The following TMED9 variants were observed in gnomAD, a reference collection of about 807,000 sequenced individuals.
The protein encoded by TMED9 is transmembrane emp24 domain-containing protein 9.
A neutral mutation model predicts 30.6 loss-of-function variants in TMED9; 22 were observed. The ratio of observed to expected loss-of-function variants is 0.72; its 90% confidence interval spans 0.51 to 1.03. TMED9 has a LOEUF of 1.03. Ranked by LOEUF, TMED9 falls within the 50% of genes least tolerant of loss-of-function variation. The pLI is 0.00. For missense variants in TMED9, 251 were observed against 302.1 expected, an observed-to-expected ratio of 0.83 and a Z score of 1.25; for synonymous variants, 146 against 122.8, an observed-to-expected ratio of 1.19 and a Z score of -1.25.
At chr5:177,593,261 G>A (rs528503476) in intron 2 of TMED9, 142 of 172,058 alleles carry the variant, frequency 8.3e-4, no homozygotes, top group African/African-American at 3.3e-3. Context: ...GGGAAGCTGA[G>A]GCTGCAGTGA....
rs953924191 is a variant in TMED9, at chr5:177,595,479, T to G, written c.*63T>G. 2.0e-5 allele frequency: 31 copies of G among 1,533,146 alleles called. No individual in the cohort carries two copies. In the South Asian group the frequency reaches 3.3e-4, roughly 16 times the overall value. 95.0% of individuals were successfully genotyped at this position (1,533,146 alleles called of 1,614,324 possible). A position where few individuals can be genotyped will look rare whatever the true frequency, so the allele number is the denominator to read the frequency against. ...GGAGAAAGGACCTCCTGGAACTGAC[T>G]TCTTCTGTCAGGAGGACTGGTTTCC... On this transcript the variant is annotated 3_prime_UTR_variant, in exon 5 of 5. Coordinates refer to ENST00000332598, the MANE Select transcript of TMED9 (RefSeq NM_017510.6).
In TMED9 at chr5:177,592,220, T is replaced by C. The variant is rs779197037; in HGVS notation, c.6T>C (p.Ala2=). M[A]VELGVLLVRP... Reference sequence around the variant, plus strand: ...GCGCAGGCAGGTGGAGCAAGATGGCTGTGGAGCTGGGCGTGCTGCTCGTCC... The same window carrying C: ...GCGCAGGCAGGTGGAGCAAGATGGCCGTGGAGCTGGGCGTGCTGCTCGTCC... Residue 2 remains alanine (A), a synonymous_variant, in exon 1 of 5, where the codon GCT becomes GCC. Coordinates refer to ENST00000332598, the MANE Select transcript of TMED9 (RefSeq NM_017510.6). The C allele has an allele frequency of 8.7e-6, 14 of 1,603,400 alleles. No individual in the cohort carries two copies. The highest frequency in any genetic ancestry group is 1.7e-5 in the Admixed American group (1 of 58,930).
At chr5:177,593,513 A>G in intron 2 of TMED9, 137 bp from the exon 3 acceptor site, 1 of 1,084,944 alleles carries the variant, frequency 9.2e-7, no homozygotes, top group East Asian at 2.4e-5. Flanking sequence ...GCTGCTGAGC[A>G]GCTTTGAATC....
intron 2 of TMED9, 117 bp downstream of exon 2, chr5:177,592,792 TC>T (rs2127507341): frequency 1.3e-6 from 1 of 745,396 alleles, no homozygotes; most frequent in Non-Finnish European, 2.2e-6. Flanking sequence ...TGTGGGAATA[TC>T]CTGCTGACTT....
chr5:177,595,427 C>T lies in TMED9; in HGVS notation c.*11C>T, dbSNP rs11545868. On this transcript the variant is annotated 3_prime_UTR_variant, in exon 5 of 5. Coordinates refer to ENST00000332598, the MANE Select transcript of TMED9 (RefSeq NM_017510.6). ...AAGAAGCTTGTGTAGCTGTCCCAGG[C>T]GTCACAACCCATCCTCCCAGGCTGG... 0.093 allele frequency: 148,147 copies of T among 1,597,734 alleles called. 7,306 individuals carry two copies. The highest frequency in any genetic ancestry group is 0.1 in the Middle Eastern group (609 of 5,998).
chr5:177,594,021 G>C (rs1767639130), intron 3 of TMED9, 118 bp from the exon 4 acceptor site: 1 of 1,395,672 alleles, frequency 7.2e-7, no homozygotes, highest in Non-Finnish European at 9.9e-7. Context: ...CACTGAAGAG[G>C]GCCCAGTCTG....
At position 177,592,687 on chromosome 5, in the gene TMED9, G is replaced by C. The variant is rs4607363; in HGVS notation, c.285+12G>C. 1,457,659 of 1,507,876 alleles carry C rather than the reference G, an allele frequency of 0.97. 704,156 individuals carry two copies. The highest frequency in any genetic ancestry group is 0.98 in the East Asian group (40,707 of 41,538). 93.4% of individuals were successfully genotyped at this position (1,507,876 alleles called of 1,614,324 possible). Reference sequence around the variant, plus strand: ...ACCCAGAGGACAAGGTGAGCCAACCGCCCCCCTCCTCTCCGCCAGCCTCTC... The same window carrying C: ...ACCCAGAGGACAAGGTGAGCCAACCCCCCCCCTCCTCTCCGCCAGCCTCTC... On this transcript the variant is annotated intron_variant, in intron 2 of 4. Coordinates refer to ENST00000332598, the MANE Select transcript of TMED9 (RefSeq NM_017510.6).
chr5:177,594,142 G>T lies in TMED9; in HGVS notation c.415G>T (p.Val139Phe). The T allele has an allele frequency of 6.2e-7, 1 of 1,614,206 alleles. No homozygotes were observed. The highest frequency in any genetic ancestry group is 8.5e-7 in the Non-Finnish European group (1 of 1,180,036). Reference protein sequence around the residue: ...FSLFAGGMLRVHLDIQVGEHA... With the variant: ...FSLFAGGMLRFHLDIQVGEHA... ...TATCTCCTTTGTCTGTCCTCAGAGAGTTCACCTGGACATCCAGGTAGGTGA... is the reference window on the plus strand; with the variant it reads ...TATCTCCTTTGTCTGTCCTCAGAGATTTCACCTGGACATCCAGGTAGGTGA... The change falls in exon 4 of 5, where the codon GTT (valine) becomes TTT (phenylalanine). Residue 139 changes from valine to phenylalanine, a missense_variant. Transcript: ENST00000332598.
intron 3 of TMED9, 117 bp downstream of exon 3, chr5:177,593,892 C>T: frequency 1.4e-6 from 2 of 1,435,870 alleles, no homozygotes; most frequent in South Asian, 1.3e-5. Context: ...CTCCTAAGAA[C>T]ACTGGGTTTC....
rs776261361 is a variant in TMED9, at chr5:177,592,343, A to G, written c.129A>G (p.Gly43=). 30 of 1,605,700 alleles carry G rather than the reference A, an allele frequency of 1.9e-5. No individual in the cohort carries two copies. Among genetic ancestry groups the G allele is most frequent in the African/African-American group, 2.7e-5 (2 of 74,808 alleles). ...GAAGCGCGCTCTACTTTCACATCGG[A>G]GAGACGGAGAAGAAGTGCTTTATTG... ...TRGSALYFHI[G]ETEKKCFIEE... Residue 43 remains glycine (G), a synonymous_variant, in exon 1 of 5, where the codon GGA becomes GGG. Coordinates refer to ENST00000332598, the MANE Select transcript of TMED9 (RefSeq NM_017510.6).
Position 177,592,243 on chromosome 5 carries a change from T to A in TMED9, c.29T>A (p.Val10Asp). Residue 10 changes from valine (V) to aspartate (D), a missense_variant, in exon 1 of 5, where the codon GTC (valine) becomes GAC (aspartate). Physicochemically the swap from Val to Asp is radical, Grantham distance 152. This residue lies in a region of TMED9 where 98 missense variants were observed against 62.5 expected (regional missense o/e 1.57). Transcript: ENST00000332598. Reference sequence around the variant, plus strand: ...GCTGTGGAGCTGGGCGTGCTGCTCGTCCGGCCCCGGCCCGGAACCGGGCTG... The same window carrying A: ...GCTGTGGAGCTGGGCGTGCTGCTCGACCGGCCCCGGCCCGGAACCGGGCTG... Reference protein sequence around the residue: MAVELGVLLVRPRPGTGLGR... With the variant: MAVELGVLLDRPRPGTGLGR... 2 of 1,610,014 alleles carry A rather than the reference T, an allele frequency of 1.2e-6. No homozygotes were observed. Among genetic ancestry groups the A allele is most frequent in the African/African-American group, 2.7e-5 (2 of 74,978 alleles).
intron 3 of TMED9, 168 bp downstream of exon 3, chr5:177,593,943 T>G: frequency 8.3e-7 from 1 of 1,198,438 alleles, no homozygotes. Context: ...TCTTTGTACA[T>G]GCCTCACTCA....
intron 3 of TMED9, 120 bp from the exon 4 acceptor site, chr5:177,594,019 A>C: frequency 2.9e-6 from 4 of 1,380,720 alleles, no homozygotes; most frequent in Non-Finnish European, 4.0e-6. Flanking sequence ...GACACTGAAG[A>C]GGGCCCAGTC....
chr5:177,594,233 G>A lies in TMED9; in HGVS notation c.506G>A (p.Arg169Gln). 4 of 1,614,190 alleles carry A rather than the reference G, an allele frequency of 2.5e-6. No individual in the cohort carries two copies. Among genetic ancestry groups the A allele is most frequent in the Non-Finnish European group, 3.4e-6 (4 of 1,180,036 alleles). Residue 169 changes from arginine to glutamine, a missense_variant, in exon 4 of 5, where the codon CGA becomes CAA. Coordinates refer to ENST00000332598, the MANE Select transcript of TMED9 (RefSeq NM_017510.6). ...TTGAGTGAGTTGCAGCTACGAGTGCGACAGCTGGTGGAACAAGTGGAGCAG... is the reference window on the plus strand; with the variant it reads ...TTGAGTGAGTTGCAGCTACGAGTGCAACAGCTGGTGGAACAAGTGGAGCAG... ...DKLSELQLRVRQLVEQVEQIQ... is the reference protein window; with the variant it reads ...DKLSELQLRVQQLVEQVEQIQ...
intron 2 of TMED9, 135 bp from the exon 3 acceptor site, chr5:177,593,515 C>T: frequency 8.9e-7 from 1 of 1,126,270 alleles, no homozygotes; most frequent in Non-Finnish European, 1.3e-6. Context: ...TGCTGAGCAG[C>T]TTTGAATCTT....
intron 2 of TMED9, 69 bp downstream of exon 2, chr5:177,592,744 G>T: frequency 8.9e-7 from 1 of 1,123,106 alleles, no homozygotes; most frequent in Non-Finnish European, 1.3e-6. Context: ...TCCTCTTCTA[G>T]TTCCTGCATC....
In TMED9 at chr5:177,595,468, C is replaced by G; in HGVS notation, c.*52C>G. 2.6e-6 allele frequency: 4 copies of G among 1,550,374 alleles called. No individual in the cohort carries two copies. Among genetic ancestry groups the G allele is most frequent in the Non-Finnish European group, 3.5e-6 (4 of 1,140,096 alleles). Reference sequence around the variant, plus strand: ...CCCAGGCTGGGGGAGAAAGGACCTCCTGGAACTGACTTCTTCTGTCAGGAG... The same window carrying G: ...CCCAGGCTGGGGGAGAAAGGACCTCGTGGAACTGACTTCTTCTGTCAGGAG... On this transcript the variant is annotated 3_prime_UTR_variant, in exon 5 of 5. Transcript: ENST00000332598.
chr5:177,594,428 C>A, intron 4 of TMED9, 143 bp downstream of exon 4: 1 of 973,052 alleles, frequency 1.0e-6, no homozygotes, highest in Non-Finnish European at 1.5e-6. Flanking sequence ...GTATTACTAA[C>A]TCGACCTTGT....
chr5:177,595,566 G>GCCTT lies in TMED9; in HGVS notation c.*151_*152insCTTC. On this transcript the variant is annotated 3_prime_UTR_variant, in exon 5 of 5. Coordinates refer to ENST00000332598, the MANE Select transcript of TMED9 (RefSeq NM_017510.6). ...CACCCACAGGCACAAGCTGAAGGCA[G>GCCTT]CAGCTTGGCTAATACTGAGCAGGTA... 4 of 950,392 alleles carry GCCTT rather than the reference G, an allele frequency of 4.2e-6. No individual in the cohort carries two copies. Among genetic ancestry groups the GCCTT allele is most frequent in the Non-Finnish European group, 6.1e-6 (4 of 650,554 alleles). 58.9% of individuals were successfully genotyped at this position (950,392 alleles called of 1,614,324 possible). A position where few individuals can be genotyped will look rare whatever the true frequency, so the allele number is the denominator to read the frequency against.
Sources: gnomAD v4.1 joint callset for allele counts on GRCh38, gnomAD v4.1.1 for gene constraint, gnomAD v4.1.1 regional missense constraint, MANE v1.5 for transcripts, NCBI Gene and HGNC (gene_info 2026-07-23, HGNC 2026-07-21) for gene names.